RABGAP1L: variants seen among roughly 807,000 people sequenced by gnomAD.
RABGAP1L encodes RAB GTPase activating protein 1 like.
RABGAP1L carries 63 observed loss-of-function variants against 137.7 expected under a neutral mutation model. That is an observed-to-expected ratio of 0.46 (90% confidence interval 0.37 to 0.56). The LOEUF is 0.56. RABGAP1L is among the 20% of genes least tolerant of loss of function. The pLI, the probability that RABGAP1L is intolerant of heterozygous loss-of-function variation, is 0.00. For missense variants in RABGAP1L, 1,095 were observed against 1,244.0 expected (o/e 0.88, Z 1.80); for synonymous variants, 431 against 433.7 (o/e 0.99, Z 0.08).
chr1:174,749,006 G>A lies in RABGAP1L; in HGVS notation c.2170-3307G>A, dbSNP rs189141351. On this transcript the variant is annotated intron_variant, in intron 17 of 25. Transcript: ENST00000681986. ...AGCCTGGCCAAAATGGTGAAACCCC[G>A]CCTCTACTAAAAATACAAAAGTTAG... Among the ~76,000 whole-genome samples, 220 of 151,844 alleles carry A rather than the reference G, an allele frequency of 1.4e-3. 1 individual carries two copies. The highest frequency in any genetic ancestry group is 4.4e-3 in the South Asian group (21 of 4,808).
intron 19 of RABGAP1L, among the ~76,000 whole-genome samples, chr1:174,857,365 A>G (rs1264522314): frequency 1.3e-5 from 2 of 151,784 alleles, no homozygotes; most frequent in Non-Finnish European, 2.9e-5. Context: ...TACCCTCTCC[A>G]TTTCCTATTT....
At chr1:174,519,947 T>A (rs1211377049) in intron 13 of RABGAP1L, among the ~76,000 whole-genome samples, 1 of 152,200 alleles carries the variant, frequency 6.6e-6, no homozygotes, top group African/African-American at 2.4e-5. Context: ...GTAGTACCAT[T>A]TCTGTTCTTC....
chr1:174,260,088 C>G (rs1673462425), intron 7 of RABGAP1L, among the ~76,000 whole-genome samples: 1 of 152,172 alleles, frequency 6.6e-6, no homozygotes. Context: ...CCGCCTCAGC[C>G]TCCCAAAGTG....
intron 5 of RABGAP1L, 67 bp from the exon 6 acceptor site, chr1:174,250,408 G>T: frequency 8.1e-7 from 1 of 1,238,822 alleles, no homozygotes; most frequent in South Asian, 1.8e-5. Context: ...TCAAGAGTTA[G>T]GAGAGAAGGA....
chr1:174,602,303 G>A (rs1474560690), intron 13 of RABGAP1L, among the ~76,000 whole-genome samples: 1 of 152,196 alleles, frequency 6.6e-6, no homozygotes, highest in Non-Finnish European at 1.5e-5. Context: ...CACCTCTTAA[G>A]TGGCAGCAGC....
At chr1:174,901,260 A>G (rs1277692066) in intron 19 of RABGAP1L, among the ~76,000 whole-genome samples, 12 of 152,188 alleles carry the variant, frequency 7.9e-5, no homozygotes, top group Admixed American at 7.9e-4. Flanking sequence ...CACACTGCTA[A>G]TAAAGACATA....
At chr1:174,386,224 T>TC (rs1686764605) in intron 12 of RABGAP1L, among the ~76,000 whole-genome samples, 2 of 152,208 alleles carry the variant, frequency 1.3e-5, no homozygotes, top group African/African-American at 4.8e-5. Context: ...CTAAGCACTC[T>TC]CCATGTGTTA....
At position 174,991,118 on chromosome 1, in the gene RABGAP1L, A is replaced by T. The variant is rs1302515022; in HGVS notation, c.*1117A>T. The T allele has an allele frequency of 1.3e-5, 2 of 152,214 alleles. No homozygotes were observed. The highest frequency in any genetic ancestry group is 2.9e-5 in the Non-Finnish European group (2 of 68,026). 9.4% of individuals were successfully genotyped at this position (152,214 alleles called of 1,614,324 possible). A position where few individuals can be genotyped will look rare whatever the true frequency, so the allele number is the denominator to read the frequency against. ...TTTGTAACATTTTTGATTGAATATA[A>T]AACCTTTACAGAAATACTTATCTCA... On this transcript the variant is annotated 3_prime_UTR_variant, in exon 26 of 26. Coordinates refer to ENST00000681986, the MANE Select transcript of RABGAP1L (RefSeq NM_001366446.1).
intron 19 of RABGAP1L, among the ~76,000 whole-genome samples, chr1:174,912,730 GT>G (rs1660252592): frequency 6.6e-6 from 1 of 152,138 alleles, no homozygotes; most frequent in Non-Finnish European, 1.5e-5. Context: ...GTAGTCATAT[GT>G]TTTTAAACTT....
Position 174,822,493 on chromosome 1 carries a change from C to A in RABGAP1L, c.2340+10533C>A, listed in dbSNP as rs186814365. ...CTCCAGATGCTTAGGCATCAGGCAC[C>A]TTCCACATTTAAAAAACTCAGCTTT... is the stretch of plus-strand genomic sequence containing the variant. On this transcript the variant is annotated intron_variant, in intron 19 of 25. Transcript: ENST00000681986. Among the ~76,000 whole-genome samples the A allele has an allele frequency of 8.3e-4, 126 of 152,298 alleles. 1 individual carries two copies. Among genetic ancestry groups the A allele is most frequent in the African/African-American group, 2.9e-3 (121 of 41,570 alleles).
chr1:174,505,725 T>C (rs1322338588), intron 13 of RABGAP1L, among the ~76,000 whole-genome samples: 1 of 152,138 alleles, frequency 6.6e-6, no homozygotes, highest in East Asian at 1.9e-4. Context: ...ACAACCATTA[T>C]GGAAAACAGC....
At chr1:174,840,815 CA>C (rs5778817) in intron 19 of RABGAP1L, among the ~76,000 whole-genome samples, 14 of 71,966 alleles carry the variant, frequency 1.9e-4, no homozygotes, top group East Asian at 7.0e-4. Context: ...GAATCTGTCT[CA>C]AAAAAAAAAA....
chr1:174,250,777 G>T (rs1413384225), intron 6 of RABGAP1L, 145 bp downstream of exon 6: 3 of 732,586 alleles, frequency 4.1e-6, no homozygotes, highest in African/African-American at 3.6e-5. Flanking sequence ...TTTTATTCTT[G>T]TGCTTGTCAG....
chr1:174,489,471 A>G lies in RABGAP1L; in HGVS notation c.1710+95326A>G, dbSNP rs565307489. The stretch of plus-strand genomic sequence containing the variant: ...CATCAGAGAAATGCAAATCAAAACC[A>G]CAATGAGATACCATCTCACACCAGT... On this transcript the variant is annotated intron_variant, in intron 13 of 25. Coordinates refer to ENST00000681986, the MANE Select transcript of RABGAP1L (RefSeq NM_001366446.1). Among the ~76,000 whole-genome samples, 4 of 152,248 alleles carry G rather than the reference A, an allele frequency of 2.6e-5. No individual in the cohort carries two copies. The South Asian group carries it at 8.3e-4, about 32-fold the overall frequency.
intron 13 of RABGAP1L, chr1:174,546,014 G>A (rs978358859): frequency 6.6e-6 from 1 of 151,822 alleles, no homozygotes; most frequent in Non-Finnish European, 1.5e-5. Context: ...CTGTCATAAA[G>A]AAAAAAAGAA....
chr1:174,281,743 G>A (rs1320113277), intron 10 of RABGAP1L, among the ~76,000 whole-genome samples: 1 of 152,166 alleles, frequency 6.6e-6, no homozygotes, highest in Non-Finnish European at 1.5e-5. Context: ...GAGGTAGTTA[G>A]CATACAGTAA....
chr1:174,904,320 A>G (rs1658669096), intron 19 of RABGAP1L, among the ~76,000 whole-genome samples: 1 of 151,528 alleles, frequency 6.6e-6, no homozygotes, highest in Non-Finnish European at 1.5e-5. Flanking sequence ...CCAGTGAACT[A>G]TGGTTGTACC....
At chr1:174,376,095 AAAAGG>A (rs1158771820) in intron 12 of RABGAP1L, among the ~76,000 whole-genome samples, 2 of 151,672 alleles carry the variant, frequency 1.3e-5, no homozygotes, top group Non-Finnish European at 2.9e-5. Flanking sequence ...TAAAGTAAAG[AAAAGG>A]AAAGAAGGAA....
At chr1:174,272,737 TAGAA>T (rs1468756513) in intron 8 of RABGAP1L, among the ~76,000 whole-genome samples, 1 of 152,004 alleles carries the variant, frequency 6.6e-6, no homozygotes, top group Non-Finnish European at 1.5e-5. Context: ...TTTGGCTTCT[TAGAA>T]AGATATCTTT....
Sources: allele counts gnomAD v4.1 joint callset (sites outside exome capture counted in the v4.1 genomes callset), GRCh38; gene constraint gnomAD v4.1.1; transcripts MANE v1.5; gene names NCBI Gene and HGNC (gene_info 2026-07-23, HGNC 2026-07-21).